NLGN1: variants seen among roughly 807,000 people sequenced by gnomAD.
The protein encoded by NLGN1 is neuroligin-1.
In NLGN1, 12 loss-of-function variants were observed where a neutral mutation model predicts 65.5. The observed-to-expected ratio is 0.18, with a 90% CI of 0.12 to 0.30. The LOEUF is 0.30. NLGN1 is among the 10% of genes least tolerant of loss of function. NLGN1 has a pLI of 1.00. For missense variants in NLGN1, 750 were observed against 1,007.1 expected, an observed-to-expected ratio of 0.74 and a Z score of 3.46; for synonymous variants, 350 against 359.5, an observed-to-expected ratio of 0.97 and a Z score of 0.30.
At chr3:173,999,774 T>C (rs1208931374) in intron 4 of NLGN1, among the ~76,000 whole-genome samples, 1 of 152,182 alleles carries the variant, frequency 6.6e-6, no homozygotes, top group Non-Finnish European at 1.5e-5. Context: ...GTAGCTTCAA[T>C]TGACCTTTCA....
At chr3:173,444,511 A>G (rs1461222638) in intron 2 of NLGN1, among the ~76,000 whole-genome samples, 1 of 152,242 alleles carries the variant, frequency 6.6e-6, no homozygotes, top group East Asian at 1.9e-4. Flanking sequence ...GCTAAAAATT[A>G]CAACTATTAA....
chr3:173,667,763 G>A (rs1432562310), intron 3 of NLGN1, among the ~76,000 whole-genome samples: 1 of 152,036 alleles, frequency 6.6e-6, no homozygotes, highest in African/African-American at 2.4e-5. Flanking sequence ...CCGATTAGCT[G>A]GGACTACAGG....
In NLGN1 at chr3:174,014,788, C is replaced by T. The variant is rs187487053; in HGVS notation, c.646+206956C>T. On this transcript the variant is annotated intron_variant, in intron 4 of 6. Coordinates refer to ENST00000457714, the Ensembl canonical transcript of NLGN1. ...TCTGTTTGCTTATCTGTAAAAGGAACGTAGTAACCTTCCTCTCAAGCTTGT... is the reference window on the plus strand; with the variant it reads ...TCTGTTTGCTTATCTGTAAAAGGAATGTAGTAACCTTCCTCTCAAGCTTGT... Among the ~76,000 whole-genome samples the T allele has an allele frequency of 5.3e-5, 8 of 152,230 alleles. No homozygotes were observed. The East Asian group carries it at 7.7e-4, about 15-fold the overall frequency.
chr3:173,704,907 A>G (rs1298713105), intron 3 of NLGN1, among the ~76,000 whole-genome samples: 3 of 152,164 alleles, frequency 2.0e-5, no homozygotes, highest in Non-Finnish European at 4.4e-5. Flanking sequence ...TCAACATGTT[A>G]GCCAGGTACC....
chr3:173,907,623 C>T (rs930086656), intron 4 of NLGN1, among the ~76,000 whole-genome samples: 3 of 131,020 alleles, frequency 2.3e-5, no homozygotes, highest in African/African-American at 5.8e-5. Flanking sequence ...GTTGCTCTGT[C>T]GCCCAGTCTG....
intron 4 of NLGN1, among the ~76,000 whole-genome samples, chr3:174,211,333 T>C (rs1736465917): frequency 6.6e-6 from 1 of 152,126 alleles, no homozygotes; most frequent in Admixed American, 6.5e-5. Flanking sequence ...AGGGTGCTGA[T>C]TGGTGCGTTT....
chr3:174,241,594 T>C (rs1187337102), intron 4 of NLGN1, among the ~76,000 whole-genome samples: 2 of 151,800 alleles, frequency 1.3e-5, no homozygotes, highest in Non-Finnish European at 2.9e-5. Flanking sequence ...TATTACAATC[T>C]TTTGGGCACA....
intron 4 of NLGN1, among the ~76,000 whole-genome samples, chr3:174,226,695 GTTAAC>G (rs1739772481): frequency 6.6e-6 from 1 of 151,848 alleles, no homozygotes; most frequent in African/African-American, 2.4e-5. Context: ...CTATATGTCT[GTTAAC>G]TTAATTAAAA....
chr3:173,780,392 CAAAT>C (rs1361993086), intron 3 of NLGN1, among the ~76,000 whole-genome samples: 1 of 152,164 alleles, frequency 6.6e-6, no homozygotes, highest in Non-Finnish European at 1.5e-5. Context: ...GTATGAATCT[CAAAT>C]AAGACTCAAT....
At chr3:173,593,755 A>C (rs1748955675) in intron 2 of NLGN1, among the ~76,000 whole-genome samples, 1 of 152,200 alleles carries the variant, frequency 6.6e-6, no homozygotes, top group African/African-American at 2.4e-5. Flanking sequence ...AGACACACCC[A>C]AGACTGGGAA....
At chr3:174,157,959 A>G (rs1725765987) in intron 4 of NLGN1, among the ~76,000 whole-genome samples, 1 of 151,762 alleles carries the variant, frequency 6.6e-6, no homozygotes. Context: ...ACCACTTACA[A>G]AAATTACTTA....
At chr3:174,217,465 G>A (rs1433843770) in intron 4 of NLGN1, among the ~76,000 whole-genome samples, 1 of 151,988 alleles carries the variant, frequency 6.6e-6, no homozygotes, top group Non-Finnish European at 1.5e-5. Context: ...CCAAGATAAG[G>A]GTACCAACAT....
At chr3:173,409,667 G>C (rs1712096300) in intron 1 of NLGN1, among the ~76,000 whole-genome samples, 1 of 152,080 alleles carries the variant, frequency 6.6e-6, no homozygotes, top group Non-Finnish European at 1.5e-5. Flanking sequence ...CCCAAATTCA[G>C]GATTTTCCAT....
At chr3:174,178,339 A>T (rs1045478831) in intron 4 of NLGN1, among the ~76,000 whole-genome samples, 3 of 152,134 alleles carry the variant, frequency 2.0e-5, no homozygotes, top group Non-Finnish European at 2.9e-5. Context: ...ACTGTGATTG[A>T]TTTATTTAGA....
At chr3:173,803,294 A>G (rs1028981964) in intron 3 of NLGN1, among the ~76,000 whole-genome samples, 3 of 152,292 alleles carry the variant, frequency 2.0e-5, no homozygotes, top group East Asian at 3.9e-4. Flanking sequence ...AAAAATTTTA[A>G]TGGTGCTAAT....
chr3:174,243,845 T>C (rs1312706587), intron 4 of NLGN1, among the ~76,000 whole-genome samples: 3 of 152,206 alleles, frequency 2.0e-5, no homozygotes, highest in Non-Finnish European at 4.4e-5. Flanking sequence ...GTTGAGATGG[T>C]GCCTCATGCT....
At chr3:173,915,560 A>G (rs1740558002) in intron 4 of NLGN1, among the ~76,000 whole-genome samples, 1 of 152,180 alleles carries the variant, frequency 6.6e-6, no homozygotes, top group African/African-American at 2.4e-5. Flanking sequence ...CTTATAACTA[A>G]CCAGGTAACT....
rs7652235 is a variant in NLGN1, at chr3:173,940,045, T to G, written c.646+132213T>G. On this transcript the variant is annotated intron_variant, in intron 4 of 6. Coordinates refer to ENST00000457714, the Ensembl canonical transcript of NLGN1. ...CTAAAACCTTGAATGAAATTAAAAC[T>G]ATTCTTTTTAAATTTTACACTCAAA... is the stretch of plus-strand genomic sequence containing the variant. Among the ~76,000 whole-genome samples the G allele has an allele frequency of 8.8e-3, 1,318 of 149,412 alleles. 19 individuals carry two copies. The highest frequency in any genetic ancestry group is 0.03 in the African/African-American group (1,237 of 40,866).
chr3:174,027,566 G>A (rs1486149670), intron 4 of NLGN1, among the ~76,000 whole-genome samples: 1 of 152,084 alleles, frequency 6.6e-6, no homozygotes, highest in Non-Finnish European at 1.5e-5. Context: ...AGGGGACAGG[G>A]AAGCACTAAT....
Sources: allele counts gnomAD v4.1 joint callset (sites outside exome capture counted in the v4.1 genomes callset), GRCh38; gene constraint gnomAD v4.1.1; transcripts MANE v1.5; gene names NCBI Gene and HGNC (gene_info 2026-07-23, HGNC 2026-07-21).